The following AGBL1 variants were observed in gnomAD, a reference collection of about 807,000 sequenced individuals.
The protein encoded by AGBL1 is AGBL carboxypeptidase 1.
In AGBL1, 130 loss-of-function variants were observed where a neutral mutation model predicts 118.9. The observed-to-expected ratio is 1.09, with a 90% CI of 0.95 to 1.26. AGBL1 has a LOEUF of 1.26. AGBL1 is among the 50% of genes most tolerant of loss of function. AGBL1 has a pLI of 0.00. For synonymous variants in AGBL1, 555 were observed against 478.9 expected, an observed-to-expected ratio of 1.16 and a Z score of -2.08; for missense variants, 1,584 against 1,298.1, an observed-to-expected ratio of 1.22 and a Z score of -3.38.
chr15:86,340,320 G>A (rs1603502), intron 17 of AGBL1, among the ~76,000 whole-genome samples: 42 of 151,640 alleles, frequency 2.8e-4, no homozygotes, highest in African/African-American at 1.0e-3. Context: ...TGTCTATTCA[G>A]AAGCTCAGAA....
chr15:86,383,794 C>T (rs1324034389), intron 17 of AGBL1, among the ~76,000 whole-genome samples: 1 of 152,124 alleles, frequency 6.6e-6, no homozygotes, highest in Non-Finnish European at 1.5e-5. Flanking sequence ...CCTGCTTCCT[C>T]AAGGATTTTG....
chr15:86,551,847 A>T (rs2083667476), intron 20 of AGBL1, among the ~76,000 whole-genome samples: 1 of 152,196 alleles, frequency 6.6e-6, no homozygotes, highest in African/African-American at 2.4e-5. Flanking sequence ...GACACGGAAG[A>T]ACCTTAAATG....
At chr15:86,807,530 G>C (rs1329463093) in intron 22 of AGBL1, among the ~76,000 whole-genome samples, 1 of 151,994 alleles carries the variant, frequency 6.6e-6, no homozygotes, top group Non-Finnish European at 1.5e-5. Flanking sequence ...AGTGGAATTG[G>C]AACCTGTTTT....
chr15:86,089,575 G>A (rs1436278726), intron 1 of AGBL1, among the ~76,000 whole-genome samples: 1 of 152,098 alleles, frequency 6.6e-6, no homozygotes, highest in African/African-American at 2.4e-5. Flanking sequence ...TTTTCCTAGG[G>A]GATTTGGAGA....
intron 23 of AGBL1, chr15:86,987,954 A>C (rs749633657): frequency 6.2e-6 from 10 of 1,608,208 alleles, no homozygotes; most frequent in Middle Eastern, 1.7e-4. Flanking sequence ...TATTTTCACC[A>C]ATCTGTACCA....
chr15:86,543,381 T>G (rs1268496952), intron 19 of AGBL1, among the ~76,000 whole-genome samples: 1 of 152,246 alleles, frequency 6.6e-6, no homozygotes, highest in Non-Finnish European at 1.5e-5. Context: ...TGCTACTATT[T>G]TTCTTTAGAC....
chr15:86,592,744 G>T (rs529196115), intron 21 of AGBL1, among the ~76,000 whole-genome samples: 14 of 152,322 alleles, frequency 9.2e-5, no homozygotes, highest in Non-Finnish European at 2.1e-4. Context: ...GAATGCTGCT[G>T]ATCACCAGCT....
chr15:86,684,021 G>T (rs560505260), intron 22 of AGBL1, among the ~76,000 whole-genome samples: 1 of 152,078 alleles, frequency 6.6e-6, no homozygotes, highest in Non-Finnish European at 1.5e-5. Context: ...TTACTGGTGA[G>T]AGCAAATCTA....
rs145951720 is a variant in AGBL1 at position 86,602,323 on chromosome 15, C to T, written c.2994+47786C>T. Among the ~76,000 whole-genome samples the T allele has an allele frequency of 6.5e-3, 984 of 152,276 alleles. 8 individuals carry two copies. Among genetic ancestry groups the T allele is most frequent in the African/African-American group, 0.022 (934 of 41,560 alleles). On this transcript the variant is annotated intron_variant, in intron 21 of 22. Coordinates refer to ENST00000614907, the MANE Select transcript of AGBL1 (RefSeq NM_001386094.1). Reference sequence around the variant, plus strand: ...TTTGATTATTACGTGAAGTGCTCAGCACAACTTCTAGTACATTGAGAGATT... The same window carrying T: ...TTTGATTATTACGTGAAGTGCTCAGTACAACTTCTAGTACATTGAGAGATT...
At chr15:86,160,864 A>T (rs1393038467) in intron 5 of AGBL1, among the ~76,000 whole-genome samples, 1 of 152,172 alleles carries the variant, frequency 6.6e-6, no homozygotes, top group Non-Finnish European at 1.5e-5. Context: ...AGCCATGGGT[A>T]TCAAGGCACT....
intron 22 of AGBL1, among the ~76,000 whole-genome samples, chr15:86,861,703 A>C (rs1463045794): frequency 2.0e-5 from 3 of 152,216 alleles, no homozygotes; most frequent in Non-Finnish European, 4.4e-5. Flanking sequence ...CAAAAATGTT[A>C]GCTGTTTTTT....
At chr15:86,726,038 A>C (rs1241093523) in intron 22 of AGBL1, among the ~76,000 whole-genome samples, 1 of 152,256 alleles carries the variant, frequency 6.6e-6, no homozygotes, top group African/African-American at 2.4e-5. Flanking sequence ...GCCAATGAAC[A>C]GATAAATGTG....
intron 5 of AGBL1, among the ~76,000 whole-genome samples, chr15:86,179,305 A>G (rs191192668): frequency 6.6e-5 from 10 of 152,264 alleles, no homozygotes; most frequent in Admixed American, 3.3e-4. Flanking sequence ...AAGAACAGAG[A>G]TGCAAATATT....
chr15:86,901,274 T>C (rs986592115), intron 22 of AGBL1, among the ~76,000 whole-genome samples: 1 of 152,170 alleles, frequency 6.6e-6, no homozygotes, highest in South Asian at 2.1e-4. Flanking sequence ...TTAGAAAGAA[T>C]TCCATCATAA....
At chr15:86,709,950 C>T (rs2086524763) in intron 22 of AGBL1, among the ~76,000 whole-genome samples, 1 of 152,144 alleles carries the variant, frequency 6.6e-6, no homozygotes, top group Non-Finnish European at 1.5e-5. Context: ...TAACTGTACT[C>T]TTTTTATGTT....
chr15:86,936,635 A>G (rs1044384504), intron 23 of AGBL1, among the ~76,000 whole-genome samples: 4 of 152,354 alleles, frequency 2.6e-5, no homozygotes, highest in South Asian at 2.1e-4. Context: ...TCCTTATACC[A>G]TAAACAAAAA....
intron 22 of AGBL1, among the ~76,000 whole-genome samples, chr15:86,747,739 T>G (rs1014621161): frequency 2.6e-5 from 4 of 152,204 alleles, no homozygotes; most frequent in African/African-American, 9.7e-5. Context: ...TTTGGTTTTC[T>G]GTTCTTGAGA....
chr15:86,534,739 G>C (rs890277745), intron 19 of AGBL1, among the ~76,000 whole-genome samples: 1 of 152,146 alleles, frequency 6.6e-6, no homozygotes, highest in African/African-American at 2.4e-5. Context: ...TCAATAACGT[G>C]GGTGAATCTC....
chr15:86,876,873 A>G (rs566610410), intron 22 of AGBL1, among the ~76,000 whole-genome samples: 10 of 152,288 alleles, frequency 6.6e-5, no homozygotes, highest in African/African-American at 1.9e-4. Context: ...AATGATACCT[A>G]TCTCTAGGGT....
Sources: allele counts gnomAD v4.1 joint callset (sites outside exome capture counted in the v4.1 genomes callset), GRCh38; gene constraint gnomAD v4.1.1; transcripts MANE v1.5; gene names NCBI Gene and HGNC (gene_info 2026-07-23, HGNC 2026-07-21).